Variants in PTPRT observed in about 807,000 individuals in gnomAD.
The protein encoded by PTPRT is protein tyrosine phosphatase receptor type T.
Under a neutral mutation model 176.8 loss-of-function variants are expected in PTPRT, and 56 were observed. The ratio of observed to expected loss-of-function variants is 0.32; its 90% CI spans 0.26 to 0.40. PTPRT has a LOEUF of 0.40. Among genes scored for constraint, PTPRT ranks in the 10% least tolerant of loss-of-function variants. The pLI, the probability that PTPRT is intolerant of heterozygous loss-of-function variation, is 1.00. For synonymous variants in PTPRT, 783 were observed against 739.0 expected (o/e 1.06, Z -0.96); for missense variants, 1,540 against 1,908.2 (o/e 0.81, Z 3.60).
chr20:42,064,441 T>A, the PTPRT span, among the ~76,000 whole-genome samples: 1 of 152,168 alleles, frequency 6.6e-6, no homozygotes, highest in African/African-American at 2.4e-5. Flanking sequence ...GCTTTCTTTA[T>A]GTGGGTCCTG....
At chr20:42,426,828 T>C (rs6016789) in intron 9 of PTPRT, among the ~76,000 whole-genome samples, 106,516 of 151,788 alleles carry the variant, frequency 0.7, 37,451 homozygotes, top group East Asian at 0.76. Context: ...CTTGTTTCAA[T>C]AGGTTGGTCA....
At chr20:42,034,178 C>A in the PTPRT span, among the ~76,000 whole-genome samples, 1 of 152,156 alleles carries the variant, frequency 6.6e-6, no homozygotes, top group Admixed American at 6.5e-5. Flanking sequence ...AATGAGACTG[C>A]AGTCTCACCT....
chr20:42,457,564 T>C (rs892023763), intron 8 of PTPRT, among the ~76,000 whole-genome samples: 4 of 152,192 alleles, frequency 2.6e-5, no homozygotes, highest in African/African-American at 9.6e-5. Flanking sequence ...GTTTAATGGG[T>C]CATTCTGCTA....
intron 14 of PTPRT, among the ~76,000 whole-genome samples, chr20:42,243,392 C>T (rs551648220): frequency 6.6e-6 from 1 of 152,276 alleles, no homozygotes; most frequent in South Asian, 2.1e-4. Flanking sequence ...CAAATGAAGA[C>T]TAGCATGTAT....
At chr20:43,158,542 T>C (rs1399585564) in intron 1 of PTPRT, among the ~76,000 whole-genome samples, 1 of 152,202 alleles carries the variant, frequency 6.6e-6, no homozygotes, top group African/African-American at 2.4e-5. Flanking sequence ...ATATGGTAGT[T>C]GCCTATCATT....
intron 2 of PTPRT, among the ~76,000 whole-genome samples, chr20:42,795,523 A>G (rs542386937): frequency 1.6e-4 from 25 of 152,344 alleles, no homozygotes; most frequent in Non-Finnish European, 3.2e-4. Flanking sequence ...CACATTGTTC[A>G]TTAAGATTAC....
chr20:43,126,186 T>C (rs1212923532), intron 1 of PTPRT, among the ~76,000 whole-genome samples: 3 of 152,042 alleles, frequency 2.0e-5, no homozygotes, highest in Admixed American at 1.3e-4. Context: ...ACCCCGTCTC[T>C]ATAAAAACAC....
chr20:42,898,938 A>T (rs1430602466), intron 1 of PTPRT, among the ~76,000 whole-genome samples: 1 of 152,224 alleles, frequency 6.6e-6, no homozygotes. Flanking sequence ...GGCCAGCTGG[A>T]GAGTCCAACC....
intron 2 of PTPRT, among the ~76,000 whole-genome samples, chr20:42,793,654 G>T (rs2077409838): frequency 6.6e-6 from 1 of 152,158 alleles, no homozygotes; most frequent in Non-Finnish European, 1.5e-5. Flanking sequence ...ATGTCTCTAT[G>T]TCAGAGAAGT....
In PTPRT at chr20:43,000,490, C is replaced by A. The variant is rs769247027; in HGVS notation, c.89-114558G>T. On this transcript the variant is annotated intron_variant, in intron 1 of 30. Coordinates refer to ENST00000373187, the MANE Select transcript of PTPRT (RefSeq NM_007050.6). ...GAACTCTCAAAGAAATTGAAAAAAA[C>A]CACAGAAACAATATATCAAAATCTA... Among the ~76,000 whole-genome samples, 51 of 151,432 alleles carry A rather than the reference C, an allele frequency of 3.4e-4. 1 individual carries two copies. The highest frequency in any genetic ancestry group is 1.2e-3 in the African/African-American group (48 of 41,238).
At chr20:42,752,953 C>T (rs1230953800) in intron 6 of PTPRT, among the ~76,000 whole-genome samples, 1 of 152,092 alleles carries the variant, frequency 6.6e-6, no homozygotes, top group Non-Finnish European at 1.5e-5. Context: ...TTGGATGCCA[C>T]TAACTCTTTA....
At chr20:42,949,522 T>C (rs1006207804) in intron 1 of PTPRT, among the ~76,000 whole-genome samples, 1 of 152,182 alleles carries the variant, frequency 6.6e-6, no homozygotes, top group Non-Finnish European at 1.5e-5. Context: ...CAAATGCCAC[T>C]TGAAGAAGAA....
chr20:42,598,704 A>G (rs186406127), intron 7 of PTPRT, among the ~76,000 whole-genome samples: 2 of 151,738 alleles, frequency 1.3e-5, no homozygotes, highest in Admixed American at 1.3e-4. Context: ...GAAAAAAAAA[A>G]TAGCCAAATG....
chr20:42,261,103 C>A (rs2056740278), intron 13 of PTPRT, among the ~76,000 whole-genome samples: 1 of 152,160 alleles, frequency 6.6e-6, no homozygotes, highest in African/African-American at 2.4e-5. Flanking sequence ...GAAATTTATT[C>A]CCTCACAATT....
intron 9 of PTPRT, among the ~76,000 whole-genome samples, chr20:42,440,399 T>C (rs1455865727): frequency 2.0e-5 from 3 of 152,038 alleles, no homozygotes; most frequent in Non-Finnish European, 2.9e-5. Context: ...ATTGAGTACA[T>C]ACTATGTGAA....
intron 9 of PTPRT, among the ~76,000 whole-genome samples, chr20:42,431,726 G>T (rs1315347325): frequency 6.6e-6 from 1 of 152,146 alleles, no homozygotes; most frequent in East Asian, 1.9e-4. Context: ...GTACATACAA[G>T]ATCCTTAACG....
chr20:42,855,514 C>A (rs2078547105), intron 2 of PTPRT, among the ~76,000 whole-genome samples: 1 of 150,422 alleles, frequency 6.6e-6, no homozygotes, highest in Non-Finnish European at 1.5e-5. Context: ...TCACTGCAAC[C>A]TCCACCTCCT....
chr20:42,479,958 C>T (rs1002419522), intron 7 of PTPRT, among the ~76,000 whole-genome samples: 1 of 152,172 alleles, frequency 6.6e-6, no homozygotes, highest in African/African-American at 2.4e-5. Flanking sequence ...AGCACTAGAT[C>T]CTACCCGTGC....
intron 7 of PTPRT, among the ~76,000 whole-genome samples, chr20:42,575,130 T>C (rs894116979): frequency 2.5e-4 from 38 of 152,230 alleles, no homozygotes; most frequent in African/African-American, 8.7e-4. Flanking sequence ...AATGACTGCA[T>C]CCGGTTCTGG....
Sources: allele counts gnomAD v4.1 joint callset (sites outside exome capture counted in the v4.1 genomes callset), GRCh38; gene constraint gnomAD v4.1.1; transcripts MANE v1.5; gene names NCBI Gene and HGNC (gene_info 2026-07-23, HGNC 2026-07-21).